The following DLG2 variants were observed in gnomAD, a reference collection of about 807,000 sequenced individuals.
The protein encoded by DLG2 is disks large homolog 2.
DLG2 carries 45 observed loss-of-function variants against 132.5 expected under a neutral mutation model. The observed-to-expected ratio is 0.34, with a 90% CI of 0.27 to 0.44. The LOEUF (loss-of-function observed/expected upper bound fraction) is 0.44. DLG2 is among the 20% of genes least tolerant of loss of function. The pLI is 1.00. For synonymous variants in DLG2, 424 were observed against 419.6 expected, an observed-to-expected ratio of 1.01 and a Z score of -0.13; for missense variants, 1,045 against 1,196.9, an observed-to-expected ratio of 0.87 and a Z score of 1.87.
chr11:84,189,070 G>A lies in DLG2; in HGVS notation c.574-25559C>T, dbSNP rs146988366. On this transcript the variant is annotated intron_variant, in intron 8 of 27. Coordinates refer to ENST00000376104, the MANE Select transcript of DLG2 (RefSeq NM_001142699.3). Reference sequence around the variant, plus strand: ...GGTTCTGGAAATATTGAATACTGCAGGTGCAAAGATGGTCAGTTCTAATTT... The same window carrying A: ...GGTTCTGGAAATATTGAATACTGCAAGTGCAAAGATGGTCAGTTCTAATTT... Among the ~76,000 whole-genome samples the A allele has an allele frequency of 7.4e-3, 1,131 of 152,244 alleles. 4 individuals carry two copies. Among genetic ancestry groups the A allele is most frequent in the South Asian group, 0.02 (99 of 4,834 alleles).
intron 8 of DLG2, among the ~76,000 whole-genome samples, chr11:84,212,718 G>A (rs1027090071): frequency 6.6e-6 from 1 of 152,160 alleles, no homozygotes; most frequent in African/African-American, 2.4e-5. Flanking sequence ...GGAGTGCGGT[G>A]GTGCAATCTC....
At chr11:84,147,800 G>C (rs1392649567) in intron 9 of DLG2, among the ~76,000 whole-genome samples, 1 of 151,958 alleles carries the variant, frequency 6.6e-6, no homozygotes, top group Non-Finnish European at 1.5e-5. Flanking sequence ...TTTGCCTTTT[G>C]ATATAGTCAA....
chr11:83,517,777 G>A (rs779089484), intron 21 of DLG2, among the ~76,000 whole-genome samples: 8 of 152,240 alleles, frequency 5.3e-5, no homozygotes, highest in African/African-American at 1.2e-4. Context: ...GGAGTTTGCC[G>A]GAGGTCCACT....
At chr11:84,648,767 A>C (rs562043632) in intron 6 of DLG2, among the ~76,000 whole-genome samples, 14 of 142,734 alleles carry the variant, frequency 9.8e-5, no homozygotes. Context: ...CTCTATATAT[A>C]CATGTGTGTG....
chr11:85,283,314 A>G (rs1201418648), intron 4 of DLG2, among the ~76,000 whole-genome samples: 3 of 151,894 alleles, frequency 2.0e-5, no homozygotes, highest in African/African-American at 4.8e-5. Flanking sequence ...CAAGGCAATG[A>G]AAGCCTAGAA....
At chr11:83,804,601 C>CACACACACACACACACACAG (rs2045433076) in intron 17 of DLG2, among the ~76,000 whole-genome samples, 1 of 151,760 alleles carries the variant, frequency 6.6e-6, no homozygotes, top group Non-Finnish European at 1.5e-5. Flanking sequence ...CACACACACA[C>CACACACACACACACACACAG]ACACACAGAC....
intron 4 of DLG2, among the ~76,000 whole-genome samples, chr11:85,226,239 G>C (rs549205787): frequency 6.6e-6 from 1 of 151,606 alleles, no homozygotes; most frequent in South Asian, 2.1e-4. Context: ...ACATTTATTA[G>C]ACATGTGGGT....
chr11:84,922,724 A>G (rs926002007), intron 6 of DLG2, among the ~76,000 whole-genome samples: 7 of 152,172 alleles, frequency 4.6e-5, no homozygotes, highest in African/African-American at 7.2e-5. Flanking sequence ...TTTTAAAAGA[A>G]AGACAAAATC....
At chr11:83,939,591 A>G (rs533484284) in intron 14 of DLG2, among the ~76,000 whole-genome samples, 1 of 152,294 alleles carries the variant, frequency 6.6e-6, no homozygotes, top group Admixed American at 6.5e-5. Flanking sequence ...TTACAGAATA[A>G]ATACTCTACC....
chr11:84,494,968 C>T (rs544974088), intron 7 of DLG2, among the ~76,000 whole-genome samples: 3 of 152,086 alleles, frequency 2.0e-5, no homozygotes, highest in Non-Finnish European at 2.9e-5. Flanking sequence ...TATCACTTTC[C>T]TGTGCTTCAA....
At chr11:85,429,362 G>A (rs1042730810) in intron 3 of DLG2, among the ~76,000 whole-genome samples, 1 of 151,822 alleles carries the variant, frequency 6.6e-6, no homozygotes, top group Non-Finnish European at 1.5e-5. Flanking sequence ...TGACAAATGG[G>A]ATCTAATTAA....
At chr11:84,922,137 C>T (rs2092784903) in intron 6 of DLG2, among the ~76,000 whole-genome samples, 2 of 150,856 alleles carry the variant, frequency 1.3e-5, no homozygotes, top group African/African-American at 4.9e-5. Flanking sequence ...AAACACTCCC[C>T]TAGTAAAATA....
intron 15 of DLG2, among the ~76,000 whole-genome samples, chr11:83,883,902 A>T (rs12574411): frequency 0.29 from 43,569 of 152,084 alleles, 6,500 homozygotes; most frequent in East Asian, 0.4. Context: ...TAGTTCCATA[A>T]ATGTAGCTAC....
intron 6 of DLG2, among the ~76,000 whole-genome samples, chr11:85,104,872 C>CAAAAAAAAAA (rs56043190): frequency 3.6e-5 from 2 of 56,054 alleles, no homozygotes; most frequent in African/African-American, 1.4e-4. Context: ...GGCTGAATGG[C>CAAAAAAAAAA]AAAAAAAAAA....
chr11:84,232,719 C>G (rs771084121), intron 8 of DLG2, among the ~76,000 whole-genome samples: 13 of 152,166 alleles, frequency 8.5e-5, no homozygotes, highest in Admixed American at 3.9e-4. Flanking sequence ...TGCTGGCACC[C>G]TGATCTCAGA....
chr11:85,566,666 C>T (rs960612219), intron 3 of DLG2, among the ~76,000 whole-genome samples: 6 of 152,106 alleles, frequency 3.9e-5, no homozygotes, highest in African/African-American at 1.4e-4. Flanking sequence ...CCCTAATTAA[C>T]TCTCACAGGC....
In DLG2 at chr11:84,438,482, A is replaced by G. The variant is rs1051294639; in HGVS notation, c.519+96088T>C. ...TCTTTTTAAAAAAAATAAAAAATAAAAAATAAAAAAACCCAGGTTTTCTTG... is the reference window on the plus strand; with the variant it reads ...TCTTTTTAAAAAAAATAAAAAATAAGAAATAAAAAAACCCAGGTTTTCTTG... On this transcript the variant is annotated intron_variant, in intron 7 of 27. Coordinates refer to ENST00000376104, the MANE Select transcript of DLG2 (RefSeq NM_001142699.3). Among the ~76,000 whole-genome samples, 8 of 143,732 alleles carry G rather than the reference A, an allele frequency of 5.6e-5. 1 individual carries two copies. The highest frequency in any genetic ancestry group is 5.3e-4 in the Admixed American group (8 of 15,050). The allele number at this position is 143,732 out of a possible 152,430, so 94.3% of individuals were successfully genotyped here. A position where few individuals can be genotyped will look rare whatever the true frequency, so the allele number is the denominator to read the frequency against.
intron 3 of DLG2, among the ~76,000 whole-genome samples, chr11:85,536,207 C>A (rs2075568420): frequency 7.1e-6 from 1 of 140,262 alleles, no homozygotes; most frequent in Non-Finnish European, 1.5e-5. Context: ...AGAGTGTGAC[C>A]CTGTCTCAAA....
intron 6 of DLG2, among the ~76,000 whole-genome samples, chr11:84,704,041 T>A (rs374363153): frequency 6.6e-6 from 1 of 150,912 alleles, no homozygotes; most frequent in African/African-American, 2.4e-5. Flanking sequence ...TCATATTAAC[T>A]GCCTGTATAT....
Sources: allele counts gnomAD v4.1 joint callset (sites outside exome capture counted in the v4.1 genomes callset), GRCh38; gene constraint gnomAD v4.1.1; transcripts MANE v1.5; gene names NCBI Gene and HGNC (gene_info 2026-07-23, HGNC 2026-07-21).